SHANK2: variants seen among roughly 807,000 people sequenced by gnomAD.
The protein encoded by SHANK2 is SH3 and multiple ankyrin repeat domains 2, also known as SH3 and multiple ankyrin repeat domains protein 2.
In SHANK2, 43 loss-of-function variants were observed where a neutral mutation model predicts 133.7. The ratio of observed to expected loss-of-function variants is 0.32; its 90% CI spans 0.25 to 0.41. The LOEUF (loss-of-function observed/expected upper bound fraction) is 0.41, where lower values mean the gene tolerates loss of function less well. SHANK2 is among the 10% of genes least tolerant of loss of function. The pLI is 1.00. For synonymous variants in SHANK2, 1,017 were observed against 952.8 expected (o/e 1.07, Z -1.24); for missense variants, 1,994 against 2,235.8 (o/e 0.89, Z 2.18).
chr11:70,492,909 C>G (rs570517341), intron 21 of SHANK2, among the ~76,000 whole-genome samples: 11 of 145,174 alleles, frequency 7.6e-5, no homozygotes, highest in African/African-American at 2.3e-4. Flanking sequence ...AATTCTCTTG[C>G]GTCAGCCTCA....
intron 11 of SHANK2, among the ~76,000 whole-genome samples, chr11:70,883,631 G>C (rs1239995823): frequency 1.3e-5 from 2 of 152,176 alleles, no homozygotes; most frequent in Admixed American, 6.5e-5. Flanking sequence ...GGTGTGCTGC[G>C]GTGTGGAGCA....
chr11:70,552,649 C>T (rs1001984151), intron 17 of SHANK2, among the ~76,000 whole-genome samples: 6 of 152,290 alleles, frequency 3.9e-5, no homozygotes, highest in South Asian at 2.1e-4. Context: ...TGGGGCTCGT[C>T]GCTGGGCGTC....
intron 8 of SHANK2, among the ~76,000 whole-genome samples, chr11:71,078,928 G>A (rs1256281934): frequency 6.6e-6 from 1 of 152,246 alleles, no homozygotes; most frequent in African/African-American, 2.4e-5. Context: ...CTTCAATAAA[G>A]GTTTTGCCAA....
At chr11:70,810,477 T>G (rs1405607286) in intron 12 of SHANK2, among the ~76,000 whole-genome samples, 1 of 152,114 alleles carries the variant, frequency 6.6e-6, no homozygotes, top group African/African-American at 2.4e-5. Context: ...ACCAAGGGAC[T>G]CCAAGGAGAA....
intron 15 of SHANK2, among the ~76,000 whole-genome samples, chr11:70,696,326 G>A (rs1218779301): frequency 6.6e-6 from 1 of 152,194 alleles, no homozygotes; most frequent in Non-Finnish European, 1.5e-5. Context: ...TTTGCCCACA[G>A]ATGTCTCTCT....
chr11:70,522,924 C>T (rs1358685245), intron 17 of SHANK2, among the ~76,000 whole-genome samples: 2 of 152,260 alleles, frequency 1.3e-5, no homozygotes, highest in Non-Finnish European at 2.9e-5. Context: ...AACGTGCGGC[C>T]GCGGGCAGGC....
intron 17 of SHANK2, among the ~76,000 whole-genome samples, chr11:70,641,329 G>A (rs782066209): frequency 6.6e-6 from 1 of 152,244 alleles, no homozygotes; most frequent in Non-Finnish European, 1.5e-5. Context: ...TCCTGACCTT[G>A]TGATCTGCCC....
At chr11:70,855,782 G>T (rs1015697534) in intron 11 of SHANK2, among the ~76,000 whole-genome samples, 4 of 152,246 alleles carry the variant, frequency 2.6e-5, no homozygotes, top group African/African-American at 9.6e-5. Flanking sequence ...TAAATCGATG[G>T]CAGGATGGGT....
At chr11:70,896,273 G>T (rs1402588294) in intron 11 of SHANK2, 1 of 450,028 alleles carries the variant, frequency 2.2e-6, no homozygotes. Context: ...CTTCTAGAGA[G>T]GCATGTTTCA....
chr11:70,927,911 C>T (rs1950450906), intron 10 of SHANK2, among the ~76,000 whole-genome samples: 1 of 152,162 alleles, frequency 6.6e-6, no homozygotes, highest in African/African-American at 2.4e-5. Context: ...TGGAGCTGAA[C>T]ACAAATCGTT....
chr11:70,813,966 G>A (rs996932241), intron 12 of SHANK2, among the ~76,000 whole-genome samples: 3 of 152,116 alleles, frequency 2.0e-5, no homozygotes, highest in Non-Finnish European at 4.4e-5. Flanking sequence ...CTTCAGGGAC[G>A]GACACAGGAC....
rs1378028435 is a variant in SHANK2 at position 70,535,715 on chromosome 11, C to T, written c.2062-32784G>A. Among the ~76,000 whole-genome samples the T allele has an allele frequency of 3.3e-5, 5 of 152,178 alleles. No individual in the cohort carries two copies. The highest frequency in any genetic ancestry group is 6.5e-5 in the Admixed American group (1 of 15,280). Reference sequence around the variant, plus strand: ...CAGGAGGATGGCCACCCAGGGGGACCGAGGCCAGCCCTGCAGCAGGGCCAC... The same window carrying T: ...CAGGAGGATGGCCACCCAGGGGGACTGAGGCCAGCCCTGCAGCAGGGCCAC... On this transcript the variant is annotated intron_variant, in intron 17 of 25. Coordinates refer to ENST00000601538, the MANE Select transcript of SHANK2 (RefSeq NM_012309.5). The surrounding 1 kb of genome is among the most constrained non-coding windows in gnomAD (Gnocchi z 4.3).
At chr11:70,891,520 CA>C (rs138744444) in intron 11 of SHANK2, among the ~76,000 whole-genome samples, 1 of 151,938 alleles carries the variant, frequency 6.6e-6, no homozygotes, top group Non-Finnish European at 1.5e-5. Context: ...AAAACAAAAA[CA>C]AAAAAACACC....
intron 14 of SHANK2, among the ~76,000 whole-genome samples, chr11:70,717,918 G>A (rs956191959): frequency 7.9e-5 from 12 of 152,208 alleles, no homozygotes; most frequent in Non-Finnish European, 1.5e-4. Context: ...CATCCATGAG[G>A]AAGTTCACAA....
intron 1 of SHANK2, among the ~76,000 whole-genome samples, chr11:71,238,278 A>G (rs1954847608): frequency 6.6e-6 from 1 of 152,234 alleles, no homozygotes; most frequent in South Asian, 2.1e-4. Context: ...CAAGACAGGC[A>G]CTTTATAGAC....
At chr11:70,668,118 G>A (rs1555015230) in intron 15 of SHANK2, 1 of 152,186 alleles carries the variant, frequency 6.6e-6, no homozygotes, top group African/African-American at 2.4e-5. Context: ...GTTGTCTGGT[G>A]TGGTCAGTTG....
intron 3 of SHANK2, among the ~76,000 whole-genome samples, chr11:71,136,330 C>A (rs1424912758): frequency 6.6e-6 from 1 of 152,108 alleles, no homozygotes; most frequent in Non-Finnish European, 1.5e-5. Flanking sequence ...GAGAGCATGT[C>A]TTTTGCAGCA....
At chr11:70,887,224 A>G (rs929201256) in intron 11 of SHANK2, among the ~76,000 whole-genome samples, 1 of 152,212 alleles carries the variant, frequency 6.6e-6, no homozygotes, top group Non-Finnish European at 1.5e-5. Context: ...AAGCTTTTAT[A>G]ACCTGCTGGG....
chr11:71,111,290 T>C (rs1255642817), intron 5 of SHANK2, among the ~76,000 whole-genome samples: 1 of 152,124 alleles, frequency 6.6e-6, no homozygotes, highest in African/African-American at 2.4e-5. Flanking sequence ...GGCCCGCAGA[T>C]TGGTACTTAA....
Sources: allele counts gnomAD v4.1 joint callset (sites outside exome capture counted in the v4.1 genomes callset), GRCh38; gene constraint gnomAD v4.1.1; non-coding constraint Gnocchi (gnomAD v3.1); transcripts MANE v1.5; gene names NCBI Gene and HGNC (gene_info 2026-07-23, HGNC 2026-07-21).